LHPP: variants seen among roughly 807,000 people sequenced by gnomAD.
LHPP encodes the protein phospholysine phosphohistidine inorganic pyrophosphate phosphatase.
Under a neutral mutation model 30.3 loss-of-function variants are expected in LHPP, and 24 were observed. That is an observed-to-expected ratio of 0.79 (90% CI 0.57 to 1.11). The LOEUF (loss-of-function observed/expected upper bound fraction) is 1.11. LHPP is among the 50% of genes most tolerant of loss of function. The pLI is 0.00. For missense variants in LHPP, 356 were observed against 367.2 expected, an observed-to-expected ratio of 0.97 and a Z score of 0.25; for synonymous variants, 150 against 157.1, an observed-to-expected ratio of 0.95 and a Z score of 0.34.
At chr10:124,598,726 C>A (rs995797177) in intron 6 of LHPP, among the ~76,000 whole-genome samples, 2 of 151,592 alleles carry the variant, frequency 1.3e-5, no homozygotes, top group Admixed American at 6.6e-5. Context: ...TACCCGTACA[C>A]CTGTTCATCC....
chr10:124,602,606 C>A (rs1949037855), intron 6 of LHPP, among the ~76,000 whole-genome samples: 1 of 97,730 alleles, frequency 1.0e-5, no homozygotes, highest in Non-Finnish European at 2.3e-5. Context: ...CAGTGAGTGC[C>A]TCCTTCTGCG....
intron 1 of LHPP, among the ~76,000 whole-genome samples, chr10:124,476,996 AG>A (rs1272567884): frequency 2.0e-5 from 3 of 152,244 alleles, no homozygotes; most frequent in African/African-American, 4.8e-5. Context: ...TCACGAGGTC[AG>A]GAGTTCAAGA....
chr10:124,508,719 A>G (rs1310771711), intron 5 of LHPP, among the ~76,000 whole-genome samples: 1 of 151,922 alleles, frequency 6.6e-6, no homozygotes, highest in African/African-American at 2.4e-5. Flanking sequence ...AAGAAAAGAA[A>G]CCACTCATTT....
chr10:124,571,316 A>T (rs1031993037), intron 6 of LHPP, among the ~76,000 whole-genome samples: 3 of 152,190 alleles, frequency 2.0e-5, no homozygotes. Flanking sequence ...GTTGTCTTGG[A>T]TATATACCTA....
At chr10:124,524,684 T>C (rs910786429) in intron 6 of LHPP, among the ~76,000 whole-genome samples, 1 of 152,006 alleles carries the variant, frequency 6.6e-6, no homozygotes, top group Non-Finnish European at 1.5e-5. Flanking sequence ...AAATCAAAAT[T>C]AGCCAGGTGT....
At chr10:124,603,357 A>G (rs1949051493) in intron 6 of LHPP, among the ~76,000 whole-genome samples, 1 of 151,948 alleles carries the variant, frequency 6.6e-6, no homozygotes, top group Non-Finnish European at 1.5e-5. Context: ...AGAGGAGCAG[A>G]TGGCCAAACG....
chr10:124,574,782 G>A (rs1291585438), intron 6 of LHPP, among the ~76,000 whole-genome samples: 4 of 152,068 alleles, frequency 2.6e-5, no homozygotes, highest in Non-Finnish European at 4.4e-5. Flanking sequence ...GAGAGGGGCC[G>A]CCATCCTGAA....
At chr10:124,598,635 GTCCA>G (rs3083680) in intron 6 of LHPP, among the ~76,000 whole-genome samples, 90,016 of 150,732 alleles carry the variant, frequency 0.6, 26,995 homozygotes, top group East Asian at 0.68. Flanking sequence ...CCATCCGTCC[GTCCA>G]TCCATCCATC....
chr10:124,565,655 G>A (rs774043756), intron 6 of LHPP, among the ~76,000 whole-genome samples: 2 of 152,202 alleles, frequency 1.3e-5, no homozygotes, highest in Admixed American at 6.5e-5. Flanking sequence ...CGCCCCAGGC[G>A]GCCACTGTCG....
chr10:124,600,571 G>A (rs576863336), intron 6 of LHPP, among the ~76,000 whole-genome samples: 2 of 152,242 alleles, frequency 1.3e-5, no homozygotes, highest in Non-Finnish European at 2.9e-5. Context: ...CTAGGTGCCC[G>A]GGGTCTCACG....
chr10:124,556,359 G>T (rs7897047), intron 6 of LHPP, among the ~76,000 whole-genome samples: 63,466 of 152,058 alleles, frequency 0.42, 13,474 homozygotes, highest in East Asian at 0.51. Context: ...ATTCTCCGGG[G>T]CCATCGTTTT....
chr10:124,606,279 G>GC (rs1472190441), intron 6 of LHPP, among the ~76,000 whole-genome samples: 2 of 151,858 alleles, frequency 1.3e-5, no homozygotes, highest in Non-Finnish European at 2.9e-5. Context: ...ACCATTCTCG[G>GC]GGGGACAGCA....
Position 124,546,557 on chromosome 10 carries a change from C to T in LHPP, c.716+29286C>T, listed in dbSNP as rs551218721. Among the ~76,000 whole-genome samples the T allele has an allele frequency of 2.6e-5, 4 of 152,186 alleles. No homozygotes were observed. In the East Asian group the frequency reaches 7.7e-4, roughly 29 times the overall value. On this transcript the variant is annotated intron_variant, in intron 6 of 6. Transcript: ENST00000368842. ...AGCTGGGACTACAGGTGCCTGCCAC[C>T]ACGCCCGGCTAATTTTTTGTATTTT...
At position 124,586,617 on chromosome 10, in the gene LHPP, A is replaced by C. The variant is rs997506477; in HGVS notation, c.717-26647A>C. 4.4e-4 allele frequency among the ~76,000 whole-genome samples: 67 copies of C among 152,318 alleles called. 1 individual carries two copies. The highest frequency in any genetic ancestry group is 5.0e-4 in the Non-Finnish European group (34 of 68,022). ...CTGTGCAGGTCCAGGGAGGCTCCACAGGGGAAGTGAGATTTGAGCTGAGGC... is the reference window on the plus strand; with the variant it reads ...CTGTGCAGGTCCAGGGAGGCTCCACCGGGGAAGTGAGATTTGAGCTGAGGC... On this transcript the variant is annotated intron_variant, in intron 6 of 6. Transcript: ENST00000368842.
intron 1 of LHPP, among the ~76,000 whole-genome samples, chr10:124,472,801 G>T (rs1952824637): frequency 6.6e-6 from 1 of 152,016 alleles, no homozygotes; most frequent in Admixed American, 6.6e-5. Context: ...CAGGTGATCC[G>T]CCCGCCTCAG....
intron 6 of LHPP, among the ~76,000 whole-genome samples, chr10:124,563,498 A>T (rs1176654109): frequency 6.6e-6 from 1 of 151,960 alleles, no homozygotes; most frequent in Non-Finnish European, 1.5e-5. Context: ...ATACTGTTGG[A>T]TGGGGTGGGG....
chr10:124,586,782 T>C (rs1157299837), intron 6 of LHPP, among the ~76,000 whole-genome samples: 2 of 152,186 alleles, frequency 1.3e-5, no homozygotes, highest in African/African-American at 4.8e-5. Flanking sequence ...AAAAAAATTA[T>C]GCAGTTAAAG....
intron 6 of LHPP, among the ~76,000 whole-genome samples, chr10:124,594,159 C>T (rs1406987150): frequency 6.6e-6 from 1 of 151,900 alleles, no homozygotes; most frequent in Non-Finnish European, 1.5e-5. Context: ...GAAACCCTGT[C>T]TCTACTAAAA....
chr10:124,538,529 C>T (rs1955096532), intron 6 of LHPP, among the ~76,000 whole-genome samples: 3 of 152,176 alleles, frequency 2.0e-5, no homozygotes, highest in African/African-American at 7.2e-5. Flanking sequence ...GGCCTCCCTC[C>T]CCCCAAGTGG....
Sources: gnomAD v4.1 joint callset for allele counts (sites outside exome capture counted in the v4.1 genomes callset) on GRCh38, gnomAD v4.1.1 for gene constraint, MANE v1.5 for transcripts, NCBI Gene and HGNC (gene_info 2026-07-23, HGNC 2026-07-21) for gene names.